The following RPS6KA2 variants were observed in gnomAD, a reference collection of about 807,000 sequenced individuals.
The protein encoded by RPS6KA2 is ribosomal protein S6 kinase A2.
Under a neutral mutation model 91.8 loss-of-function variants are expected in RPS6KA2, and 42 were observed. The observed-to-expected ratio is 0.46, with a 90% CI of 0.36 to 0.59. The LOEUF is 0.59. Among genes scored for constraint, RPS6KA2 ranks in the 20% least tolerant of loss-of-function variants. The pLI is 0.00. For synonymous variants in RPS6KA2, 414 were observed against 393.6 expected, an observed-to-expected ratio of 1.05 and a Z score of -0.61; for missense variants, 798 against 978.5, an observed-to-expected ratio of 0.82 and a Z score of 2.46.
rs139952917 is a variant in RPS6KA2, at chr6:166,566,062, C to G, written c.100-27278G>C. On this transcript the variant is annotated intron_variant, in intron 1 of 20. Transcript: ENST00000265678. Reference sequence around the variant, plus strand: ...AGAATGGGAAGAGTGTCATGGAAACCTAGATGAAAATGTAGGAATTAATCT... The same window carrying G: ...AGAATGGGAAGAGTGTCATGGAAACGTAGATGAAAATGTAGGAATTAATCT... Among the ~76,000 whole-genome samples, 462 of 152,242 alleles carry G rather than the reference C, an allele frequency of 3.0e-3. 2 individuals carry two copies. The highest frequency in any genetic ancestry group is 7.7e-3 in the African/African-American group (321 of 41,552).
chr6:166,478,476 C>T (rs960801822), intron 10 of RPS6KA2, among the ~76,000 whole-genome samples: 3 of 152,192 alleles, frequency 2.0e-5, no homozygotes, highest in African/African-American at 7.2e-5. Context: ...AGCTTCGGGA[C>T]TCTGGCATTG....
At chr6:166,805,098 T>C (rs559514251) in intron 2 of RPS6KA2, among the ~76,000 whole-genome samples, 2 of 152,240 alleles carry the variant, frequency 1.3e-5, no homozygotes, top group African/African-American at 2.4e-5. Flanking sequence ...CTGGGGTCTA[T>C]TGAAGGCTTG....
intron 3 of RPS6KA2, among the ~76,000 whole-genome samples, chr6:166,518,395 A>C (rs1278306961): frequency 6.6e-6 from 1 of 152,214 alleles, no homozygotes; most frequent in East Asian, 1.9e-4. Flanking sequence ...AATATTTACA[A>C]ATTGGCCATT....
In RPS6KA2 at chr6:166,783,780, C is replaced by T. The variant is rs1467977620; in HGVS notation, c.123+74420G>A. On this transcript the variant is annotated intron_variant, in intron 2 of 21. Coordinates refer to the RPS6KA2 transcript ENST00000503859. ...CACATATACACATGTGCACATCTATCTATAACTACATATATACACGTGCAC... is the reference window on the plus strand; with the variant it reads ...CACATATACACATGTGCACATCTATTTATAACTACATATATACACGTGCAC... 2.9e-5 allele frequency among the ~76,000 whole-genome samples: 3 copies of T among 104,610 alleles called. 1 individual carries two copies. The highest frequency in any genetic ancestry group is 6.4e-5 in the Non-Finnish European group (3 of 47,218). The allele number at this position is 104,610 out of a possible 152,430, so 68.6% of individuals were successfully genotyped here.
chr6:166,693,911 C>T (rs182942828), intron 2 of RPS6KA2, among the ~76,000 whole-genome samples: 18 of 152,330 alleles, frequency 1.2e-4, no homozygotes, highest in African/African-American at 4.1e-4. Flanking sequence ...AGAACCTCAC[C>T]TCTTCCTTAG....
At chr6:166,735,271 C>T (rs752346510) in intron 2 of RPS6KA2, among the ~76,000 whole-genome samples, 2 of 152,124 alleles carry the variant, frequency 1.3e-5, no homozygotes, top group Admixed American at 1.3e-4. Context: ...CAACGTGACA[C>T]AAAACAAAAC....
chr6:166,696,380 T>G (rs1002144424), intron 2 of RPS6KA2, among the ~76,000 whole-genome samples: 1 of 152,162 alleles, frequency 6.6e-6, no homozygotes, highest in Non-Finnish European at 1.5e-5. Context: ...TTCTCCAAGT[T>G]TATCTCTATC....
At chr6:166,800,935 TCTTTAAA>T (rs1000111923) in intron 2 of RPS6KA2, among the ~76,000 whole-genome samples, 5 of 152,178 alleles carry the variant, frequency 3.3e-5, no homozygotes, top group Non-Finnish European at 7.4e-5. Context: ...AAAGCAAAAA[TCTTTAAA>T]GTTAATAAAA....
chr6:166,746,008 T>C (rs1790996689), intron 2 of RPS6KA2, among the ~76,000 whole-genome samples: 1 of 152,218 alleles, frequency 6.6e-6, no homozygotes, highest in Non-Finnish European at 1.5e-5. Flanking sequence ...GAGCCAGCGG[T>C]GCTGCTGTGA....
At chr6:166,709,975 G>A (rs767790118) in intron 2 of RPS6KA2, among the ~76,000 whole-genome samples, 4 of 152,100 alleles carry the variant, frequency 2.6e-5, no homozygotes, top group South Asian at 2.1e-4. Flanking sequence ...TTTCATGTAC[G>A]CCATATTCTA....
chr6:166,593,774 C>T (rs1785435735), intron 1 of RPS6KA2, among the ~76,000 whole-genome samples: 1 of 152,084 alleles, frequency 6.6e-6, no homozygotes, highest in Non-Finnish European at 1.5e-5. Flanking sequence ...GTGATTAACA[C>T]AATCAATAAA....
In RPS6KA2 at chr6:166,634,245, G is replaced by A. The variant is rs1034925324; in HGVS notation, c.124-95461C>T. ...TGGGGCAGGACAGTGTCCTCATGAA[G>A]AGCAAACCGCAGTGGCCACAGTGAT... On this transcript the variant is annotated intron_variant, in intron 2 of 21. Coordinates refer to the RPS6KA2 transcript ENST00000503859. Among the ~76,000 whole-genome samples the A allele has an allele frequency of 2.6e-5, 4 of 152,190 alleles. No homozygotes were observed. In the East Asian group the frequency reaches 7.7e-4, roughly 29 times the overall value.
intron 1 of RPS6KA2, among the ~76,000 whole-genome samples, chr6:166,581,607 C>A (rs983137905): frequency 2.0e-5 from 3 of 152,064 alleles, no homozygotes; most frequent in Admixed American, 6.6e-5. Context: ...TTCGCTGTGT[C>A]CATTTTCCTT....
At chr6:166,671,253 G>A (rs1389964470) in intron 2 of RPS6KA2, among the ~76,000 whole-genome samples, 1 of 152,210 alleles carries the variant, frequency 6.6e-6, no homozygotes, top group Non-Finnish European at 1.5e-5. Context: ...GAGGGAACAA[G>A]AATCTCATTT....
intron 2 of RPS6KA2, among the ~76,000 whole-genome samples, chr6:166,731,117 C>T (rs7751129): frequency 0.27 from 40,329 of 151,954 alleles, 5,517 homozygotes; most frequent in African/African-American, 0.35. Context: ...TGGCGCATGC[C>T]TGTAATCCCA....
At position 166,648,184 on chromosome 6, in the gene RPS6KA2, G is replaced by A. The variant is rs7450057; in HGVS notation, c.124-109400C>T. On this transcript the variant is annotated intron_variant, in intron 2 of 21. Coordinates refer to the RPS6KA2 transcript ENST00000503859. The surrounding 1 kb of genome is among the most constrained non-coding windows in gnomAD (Gnocchi z 4.8). Reference sequence around the variant, plus strand: ...CCCATGCACACATGCTCACACACATGCACACATGCTCATACACACACTCAT... The same window carrying A: ...CCCATGCACACATGCTCACACACATACACACATGCTCATACACACACTCAT... Among the ~76,000 whole-genome samples, 10 of 134,152 alleles carry A rather than the reference G, an allele frequency of 7.5e-5. No individual in the cohort carries two copies. Among genetic ancestry groups the A allele is most frequent in the Admixed American group, 2.3e-4 (3 of 13,298 alleles). The allele number at this position is 134,152 out of a possible 152,430, so 88.0% of individuals were successfully genotyped here.
intron 1 of RPS6KA2, among the ~76,000 whole-genome samples, chr6:166,543,109 G>A (rs1201447878): frequency 6.6e-6 from 1 of 152,204 alleles, no homozygotes; most frequent in Non-Finnish European, 1.5e-5. Flanking sequence ...TCATGAGCAG[G>A]TGGACAAGAG....
At position 166,587,689 on chromosome 6, in the gene RPS6KA2, A is replaced by C. The variant is rs183503922; in HGVS notation, c.99+39232T>G. Among the ~76,000 whole-genome samples the C allele has an allele frequency of 6.4e-4, 96 of 150,692 alleles. 1 individual carries two copies. In the East Asian group the frequency reaches 0.013, roughly 21 times the overall value. On this transcript the variant is annotated intron_variant, in intron 1 of 20. Transcript: ENST00000265678. ...TATTATATATATATATACACACACA[A>C]AAATGTAAAATATATAAGTGGATTC... is the stretch of plus-strand genomic sequence containing the variant.
intron 3 of RPS6KA2, among the ~76,000 whole-genome samples, chr6:166,521,732 T>A (rs1782862801): frequency 6.6e-6 from 1 of 152,142 alleles, no homozygotes; most frequent in African/African-American, 2.4e-5. Flanking sequence ...GGCTTTAGAC[T>A]TGAGTTGATG....
Sources: allele counts gnomAD v4.1 joint callset (sites outside exome capture counted in the v4.1 genomes callset), GRCh38; gene constraint gnomAD v4.1.1; non-coding constraint Gnocchi (gnomAD v3.1); transcripts MANE v1.5; gene names NCBI Gene and HGNC (gene_info 2026-07-23, HGNC 2026-07-21).